Variants in SDCCAG8 observed in about 807,000 individuals in gnomAD.
SDCCAG8 encodes SHH signaling and ciliogenesis regulator SDCCAG8.
In SDCCAG8, 74 loss-of-function variants were observed where a neutral mutation model predicts 101.8. The ratio of observed to expected loss-of-function variants is 0.73; its 90% CI spans 0.60 to 0.88. The LOEUF (loss-of-function observed/expected upper bound fraction) is 0.88, where lower values mean the gene tolerates loss of function less well. Ranked by LOEUF, SDCCAG8 falls within the 40% of genes least tolerant of loss-of-function variation. The pLI, the probability that SDCCAG8 is intolerant of heterozygous loss-of-function variation, is 0.00. For synonymous variants in SDCCAG8, 281 were observed against 292.9 expected (o/e 0.96, Z 0.41); for missense variants, 787 against 822.6 (o/e 0.96, Z 0.53).
At chr1:243,472,068 A>T (rs1042956026) in intron 16 of SDCCAG8, among the ~76,000 whole-genome samples, 1 of 152,194 alleles carries the variant, frequency 6.6e-6, no homozygotes, top group African/African-American at 2.4e-5. Flanking sequence ...TTCTTCTCAT[A>T]GGAAGGCTCT....
chr1:243,300,030 A>T lies in SDCCAG8; in HGVS notation c.676-4683A>T, dbSNP rs2071347369. ...TAGGCGCATGCCACCACACCCAGCT[A>T]ATTTTTGTTTTTGTAGTAGAGACGG... On this transcript the variant is annotated intron_variant, in intron 6 of 17. Transcript: ENST00000366541. Among the ~76,000 whole-genome samples, 3 of 151,760 alleles carry T rather than the reference A, an allele frequency of 2.0e-5. No homozygotes were observed. The South Asian group carries it at 6.2e-4, about 32-fold the overall frequency.
chr1:243,492,604 G>GTTTTTTTTTTTTTTTT (rs74162289), intron 17 of SDCCAG8, among the ~76,000 whole-genome samples: 1 of 58,866 alleles, frequency 1.7e-5, no homozygotes, highest in Non-Finnish European at 3.0e-5. Flanking sequence ...GCGCCCAGCT[G>GTTTTTTTTTTTTTTTT]TTTTTTTTTT....
intron 5 of SDCCAG8, among the ~76,000 whole-genome samples, chr1:243,289,415 C>T (rs1205004004): frequency 6.6e-6 from 1 of 152,226 alleles, no homozygotes; most frequent in Non-Finnish European, 1.5e-5. Flanking sequence ...TTAGCAACAT[C>T]CTCACAGACA....
rs150690685 is a variant in SDCCAG8, at chr1:243,337,477, G to A, written c.1222-3562G>A. Among the ~76,000 whole-genome samples the A allele has an allele frequency of 1.4e-3, 218 of 152,296 alleles. 1 individual carries two copies. The highest frequency in any genetic ancestry group is 5.0e-3 in the African/African-American group (208 of 41,552). ...GAATAAAGAGCTCACAGTGGTCCTA[G>A]CACTGAGGTCCCAGCTCTCACCAGG... On this transcript the variant is annotated intron_variant, in intron 10 of 17. Transcript: ENST00000366541.
At chr1:243,471,005 G>A (rs1352325249) in intron 16 of SDCCAG8, among the ~76,000 whole-genome samples, 1 of 152,124 alleles carries the variant, frequency 6.6e-6, no homozygotes, top group African/African-American at 2.4e-5. Context: ...AGAAATATCT[G>A]TATAGGCAGA....
chr1:243,480,814 G>GGA (rs1663550354), intron 16 of SDCCAG8, among the ~76,000 whole-genome samples: 2 of 68,308 alleles, frequency 2.9e-5, no homozygotes, highest in African/African-American at 1.1e-4. Context: ...GGATGGATGG[G>GGA]TGGGATGGAT....
intron 4 of SDCCAG8, among the ~76,000 whole-genome samples, chr1:243,285,416 G>A (rs1303344725): frequency 6.6e-6 from 1 of 152,160 alleles, no homozygotes; most frequent in Non-Finnish European, 1.5e-5. Context: ...TTGGGAAGAT[G>A]GGAGTGAGGT....
intron 6 of SDCCAG8, among the ~76,000 whole-genome samples, chr1:243,294,709 C>A (rs979196045): frequency 6.6e-5 from 9 of 136,348 alleles, no homozygotes; most frequent in African/African-American, 1.3e-4. Flanking sequence ...CCCCCCCCCC[C>A]ACAGCTGCCT....
At chr1:243,423,515 A>G (rs1415718404) in intron 15 of SDCCAG8, among the ~76,000 whole-genome samples, 1 of 152,168 alleles carries the variant, frequency 6.6e-6, no homozygotes, top group Non-Finnish European at 1.5e-5. Flanking sequence ...GTGTATAAGA[A>G]TTATTAGGCT....
chr1:243,348,571 T>A (rs2075883711), intron 12 of SDCCAG8, among the ~76,000 whole-genome samples: 1 of 151,994 alleles, frequency 6.6e-6, no homozygotes, highest in African/African-American at 2.4e-5. Flanking sequence ...TAGAGGAAGC[T>A]GGAGAGGAGT....
intron 17 of SDCCAG8, among the ~76,000 whole-genome samples, chr1:243,495,894 C>T (rs1003383429): frequency 6.6e-6 from 1 of 152,144 alleles, no homozygotes; most frequent in Non-Finnish European, 1.5e-5. Context: ...AGCAGGAGAG[C>T]CTCGCATGGG....
intron 17 of SDCCAG8, among the ~76,000 whole-genome samples, chr1:243,490,400 C>T (rs1666112039): frequency 6.6e-6 from 1 of 152,334 alleles, no homozygotes; most frequent in Middle Eastern, 3.4e-3. Context: ...ACCTGGCACG[C>T]TCCATGGCAG....
intron 8 of SDCCAG8, among the ~76,000 whole-genome samples, chr1:243,315,581 G>A (rs1397309214): frequency 2.6e-5 from 4 of 152,072 alleles, no homozygotes; most frequent in Admixed American, 2.6e-4. Context: ...AGTATTACAT[G>A]TTTCTTCAAA....
intron 9 of SDCCAG8, among the ~76,000 whole-genome samples, chr1:243,325,690 G>A (rs1276283423): frequency 6.6e-6 from 1 of 152,086 alleles, no homozygotes; most frequent in East Asian, 1.9e-4. Flanking sequence ...CACTTTCTAG[G>A]TCTCTGATTT....
At chr1:243,367,145 G>T (rs1558363705) in intron 12 of SDCCAG8, among the ~76,000 whole-genome samples, 1 of 151,978 alleles carries the variant, frequency 6.6e-6, no homozygotes, top group Non-Finnish European at 1.5e-5. Context: ...ATTATGCTGT[G>T]ATATGTTTTC....
At chr1:243,485,466 A>G (rs543254824) in intron 16 of SDCCAG8, among the ~76,000 whole-genome samples, 1 of 152,342 alleles carries the variant, frequency 6.6e-6, no homozygotes, top group East Asian at 1.9e-4. Context: ...ACAGAGCAGT[A>G]ACCACCATGG....
At chr1:243,286,614 G>A (rs1211227597) in intron 5 of SDCCAG8, among the ~76,000 whole-genome samples, 1 of 152,166 alleles carries the variant, frequency 6.6e-6, no homozygotes, top group African/African-American at 2.4e-5. Context: ...TCCTCTCTGA[G>A]CATACCGTTT....
chr1:243,438,633 C>T (rs12119001), intron 16 of SDCCAG8, among the ~76,000 whole-genome samples: 27,375 of 151,826 alleles, frequency 0.18, 2,665 homozygotes, highest in African/African-American at 0.23. Flanking sequence ...TTCTCTTGAA[C>T]CATGTAAAAA....
intron 10 of SDCCAG8, among the ~76,000 whole-genome samples, chr1:243,333,068 G>A (rs919858386): frequency 6.6e-6 from 1 of 152,238 alleles, no homozygotes; most frequent in Admixed American, 6.5e-5. Flanking sequence ...GCCGTTGGGT[G>A]ATGACCACCT....
Sources: gnomAD v4.1 joint callset for allele counts (sites outside exome capture counted in the v4.1 genomes callset) on GRCh38, gnomAD v4.1.1 for gene constraint, MANE v1.5 for transcripts, NCBI Gene and HGNC (gene_info 2026-07-23, HGNC 2026-07-21) for gene names.